The following MAP4K4 variants were observed in gnomAD, a reference collection of about 807,000 sequenced individuals.
MAP4K4 encodes the protein mitogen-activated protein kinase kinase kinase kinase 4.
MAP4K4 carries 38 observed loss-of-function variants against 189.6 expected under a neutral mutation model. That is an observed-to-expected ratio of 0.20 (90% CI 0.15 to 0.26). The LOEUF (loss-of-function observed/expected upper bound fraction) is 0.26, where lower values mean the gene tolerates loss of function less well. Ranked by LOEUF, MAP4K4 falls within the 10% of genes least tolerant of loss-of-function variation. MAP4K4 has a pLI of 1.00. For synonymous variants in MAP4K4, 610 were observed against 624.3 expected, an observed-to-expected ratio of 0.98 and a Z score of 0.34; for missense variants, 1,054 against 1,726.9, an observed-to-expected ratio of 0.61 and a Z score of 6.91.
chr2:101,827,823 C>G (rs1351872877), intron 5 of MAP4K4, among the ~76,000 whole-genome samples: 1 of 152,178 alleles, frequency 6.6e-6, no homozygotes, highest in Admixed American at 6.5e-5. Context: ...TTTGCCTGCT[C>G]TTTTATTCTG....
intron 5 of MAP4K4, 133 bp from the exon 6 acceptor site, chr2:101,829,371 T>C: frequency 6.5e-6 from 4 of 615,978 alleles, no homozygotes; most frequent in East Asian, 2.9e-5. Flanking sequence ...GGGAATGCAC[T>C]AAGACGAAGT....
intron 2 of MAP4K4, among the ~76,000 whole-genome samples, chr2:101,702,544 G>C (rs2039483339): frequency 6.6e-6 from 1 of 152,118 alleles, no homozygotes; most frequent in South Asian, 2.1e-4. Context: ...ACTCCAGCCT[G>C]GGCAACAAGA....
Position 101,805,006 on chromosome 2 carries a change from G to A in MAP4K4, c.180+14230G>A, listed in dbSNP as rs189134007. Reference sequence around the variant, plus strand: ...GGAGAATCGCTCGAACCCAGGAGGCGGAGGTTGCAGTGAGCTGAGATCGCA... The same window carrying A: ...GGAGAATCGCTCGAACCCAGGAGGCAGAGGTTGCAGTGAGCTGAGATCGCA... On this transcript the variant is annotated intron_variant, in intron 3 of 32. Coordinates refer to ENST00000324219, the Ensembl canonical transcript of MAP4K4. 1.2e-3 allele frequency among the ~76,000 whole-genome samples: 183 copies of A among 150,606 alleles called. 1 individual carries two copies. Among genetic ancestry groups the A allele is most frequent in the African/African-American group, 4.4e-3 (178 of 40,820 alleles).
chr2:101,701,118 T>TA (rs200628441), intron 2 of MAP4K4, among the ~76,000 whole-genome samples: 1,625 of 152,182 alleles, frequency 0.011, 38 homozygotes, highest in African/African-American at 0.037. Context: ...TAATTTCAGG[T>TA]AAAAAAAATC....
At chr2:101,851,228 T>C (rs549438222) in intron 12 of MAP4K4, among the ~76,000 whole-genome samples, 32 of 152,364 alleles carry the variant, frequency 2.1e-4, no homozygotes, top group Admixed American at 8.5e-4. Flanking sequence ...TTTGAGAGAT[T>C]TGATGATCAC....
At chr2:101,864,650 C>A (rs146486488) in intron 17 of MAP4K4, among the ~76,000 whole-genome samples, 1 of 152,260 alleles carries the variant, frequency 6.6e-6, no homozygotes, top group African/African-American at 2.4e-5. Flanking sequence ...TCAGCAAATG[C>A]TTTGTATGTC....
intron 2 of MAP4K4, among the ~76,000 whole-genome samples, chr2:101,721,365 T>A (rs533827312): frequency 2.6e-5 from 4 of 151,786 alleles, no homozygotes; most frequent in African/African-American, 7.3e-5. Flanking sequence ...GATAGCTGAT[T>A]GGGCAGGACA....
At chr2:101,861,018 A>G (rs1268083940) in intron 16 of MAP4K4, 32 bp downstream of exon 16, 1 of 1,562,096 alleles carries the variant, frequency 6.4e-7, no homozygotes, top group African/African-American at 1.4e-5. Flanking sequence ...GTGGTTGAGG[A>G]GACTCATGCA....
intron 2 of MAP4K4, among the ~76,000 whole-genome samples, chr2:101,749,146 T>C (rs2067209807): frequency 1.3e-5 from 2 of 150,222 alleles, no homozygotes; most frequent in African/African-American, 4.9e-5. Context: ...CTTCACAGAA[T>C]TGGAAAAAAC....
At chr2:101,785,787 TC>T in intron 2 of MAP4K4, among the ~76,000 whole-genome samples, 1 of 11,382 alleles carries the variant, frequency 8.8e-5, no homozygotes, top group Non-Finnish European at 1.5e-4. Context: ...TCTCTCTCTC[TC>T]TCTCTCTTCT....
chr2:101,782,093 A>G (rs983408222), intron 2 of MAP4K4, among the ~76,000 whole-genome samples: 1 of 152,232 alleles, frequency 6.6e-6, no homozygotes, highest in Non-Finnish European at 1.5e-5. Context: ...GCCATTAAGA[A>G]AAGTACCTTT....
intron 28 of MAP4K4, among the ~76,000 whole-genome samples, chr2:101,883,957 A>G (rs1446167654): frequency 2.0e-5 from 3 of 152,192 alleles, no homozygotes; most frequent in African/African-American, 7.2e-5. Context: ...GTGTTGAGGT[A>G]TAACTAAAAT....
At chr2:101,815,017 GGTCT>G (rs1173324151) in intron 3 of MAP4K4, among the ~76,000 whole-genome samples, 2 of 152,074 alleles carry the variant, frequency 1.3e-5, no homozygotes, top group Non-Finnish European at 2.9e-5. Flanking sequence ...CTCCAAGTAG[GGTCT>G]GTGGAATAGT....
intron 2 of MAP4K4, among the ~76,000 whole-genome samples, chr2:101,700,024 A>G (rs1278029922): frequency 3.9e-5 from 6 of 152,090 alleles, no homozygotes; most frequent in African/African-American, 1.4e-4. Flanking sequence ...TTTCTAACCC[A>G]GTTTTTTCTC....
chr2:101,871,913 C>G (rs752878504), intron 24 of MAP4K4, among the ~76,000 whole-genome samples: 6 of 152,146 alleles, frequency 3.9e-5, no homozygotes, highest in Non-Finnish European at 8.8e-5. Context: ...GTTTACTGTT[C>G]TGTAGATAAG....
At chr2:101,723,729 T>TGA (rs1161883393) in intron 2 of MAP4K4, among the ~76,000 whole-genome samples, 2 of 152,220 alleles carry the variant, frequency 1.3e-5, no homozygotes, top group Non-Finnish European at 2.9e-5. Flanking sequence ...TTCTACACTT[T>TGA]GAGAGAGATT....
At chr2:101,772,825 A>G (rs1035220226) in intron 2 of MAP4K4, among the ~76,000 whole-genome samples, 2 of 152,204 alleles carry the variant, frequency 1.3e-5, no homozygotes, top group Non-Finnish European at 2.9e-5. Context: ...GTCAGTCTTC[A>G]TCTTCACTCC....
chr2:101,861,895 T>C (rs996333747), intron 16 of MAP4K4: 4 of 151,576 alleles, frequency 2.6e-5, no homozygotes, highest in African/African-American at 9.7e-5. Context: ...GTTTATGTTC[T>C]TGTGGCAGGA....
intron 2 of MAP4K4, among the ~76,000 whole-genome samples, chr2:101,707,212 C>CTTTTTTTTTTT (rs545502305): frequency 7.5e-6 from 1 of 133,944 alleles, no homozygotes; most frequent in Non-Finnish European, 1.6e-5. Context: ...TTTATTTTAT[C>CTTTTTTTTTTT]TTTTTTTTTT....
Sources: allele counts gnomAD v4.1 joint callset (sites outside exome capture counted in the v4.1 genomes callset), GRCh38; gene constraint gnomAD v4.1.1; transcripts MANE v1.5; gene names NCBI Gene and HGNC (gene_info 2026-07-23, HGNC 2026-07-21).